The following TBC1D31 variants were observed in gnomAD, a reference collection of about 807,000 sequenced individuals.
TBC1D31 encodes TBC1 domain family member 31.
Under a neutral mutation model 132.9 loss-of-function variants are expected in TBC1D31, and 99 were observed. The ratio of observed to expected loss-of-function variants is 0.74; its 90% CI spans 0.63 to 0.88. The LOEUF (loss-of-function observed/expected upper bound fraction) is 0.88, where lower values mean the gene tolerates loss of function less well. TBC1D31 is among the 40% of genes least tolerant of loss of function. The pLI, the probability that TBC1D31 is intolerant of heterozygous loss-of-function variation, is 0.00. For synonymous variants in TBC1D31, 385 were observed against 419.4 expected (o/e 0.92, Z 1.00); for missense variants, 1,134 against 1,256.6 (o/e 0.90, Z 1.48).
chr8:123,078,957 A>G (rs1814836826), intron 2 of TBC1D31, among the ~76,000 whole-genome samples: 1 of 152,250 alleles, frequency 6.6e-6, no homozygotes, highest in African/African-American at 2.4e-5. Context: ...TAGTGGAATG[A>G]ATCAAAATTT....
intron 19 of TBC1D31, among the ~76,000 whole-genome samples, chr8:123,142,745 T>C (rs533339835): frequency 6.6e-6 from 1 of 152,314 alleles, no homozygotes; most frequent in East Asian, 1.9e-4. Context: ...AGAGACGTCG[T>C]CTAATATTGA....
At chr8:123,146,925 CT>C (rs1042019273) in intron 20 of TBC1D31, among the ~76,000 whole-genome samples, 31 of 152,192 alleles carry the variant, frequency 2.0e-4, no homozygotes, top group Admixed American at 1.9e-3. Flanking sequence ...GATCTGGCCA[CT>C]TTGACCTCCC....
chr8:123,104,779 G>T (rs1400398696), intron 7 of TBC1D31, among the ~76,000 whole-genome samples: 1 of 152,136 alleles, frequency 6.6e-6, no homozygotes, highest in Admixed American at 6.5e-5. Context: ...GGAACTAATA[G>T]TGATCACTAA....
chr8:123,164,459 C>T, the TBC1D31 span, among the ~76,000 whole-genome samples: 2 of 152,212 alleles, frequency 1.3e-5, no homozygotes, highest in African/African-American at 4.8e-5. Context: ...CAGTGGCTCA[C>T]ATCTGTAATC....
At position 123,142,358 on chromosome 8, in the gene TBC1D31, C is replaced by T. The variant is rs375997353; in HGVS notation, c.2737C>T (p.Arg913Ter). ...TAAACAAAAATGTGATGATCTACAA[C>T]GAAACAAATGTTACCAGGAAGTAGC... Reference protein sequence around the residue: ...LHKQKCDDLQRNKCYQEVAKL... With the variant: ...LHKQKCDDLQ The change falls in exon 19 of 22, where the codon CGA becomes TGA. Residue 913 changes from arginine (R) to a stop codon, truncating the protein, a stop_gained. Coordinates refer to ENST00000287380, the MANE Select transcript of TBC1D31 (RefSeq NM_145647.4). LOFTEE classifies it high-confidence loss of function. The T allele has an allele frequency of 3.9e-5, 62 of 1,607,252 alleles. No homozygotes were observed. Among genetic ancestry groups the T allele is most frequent in the Middle Eastern group, 1.7e-4 (1 of 6,058 alleles).
chr8:123,150,113 G>T lies in TBC1D31; in HGVS notation c.3052G>T (p.Asp1018Tyr). 6.2e-7 allele frequency: 1 copy of T among 1,613,172 alleles called. No homozygotes were observed. Among genetic ancestry groups the T allele is most frequent in the Admixed American group, 1.7e-5 (1 of 60,020 alleles). ...TSQLNDSSEM[D>Y]PSTQISLNRR... ...ACAATTAAATGACTCTTCTGAAATGGATCCCTCAACACAGAGTAAGTTGAT... is the reference window on the plus strand; with the variant it reads ...ACAATTAAATGACTCTTCTGAAATGTATCCCTCAACACAGAGTAAGTTGAT... The change falls in exon 21 of 22, where the codon GAT becomes TAT. Residue 1018 changes from aspartate to tyrosine, a missense_variant. Physicochemically the swap from Asp to Tyr is radical, Grantham distance 160. Coordinates refer to ENST00000287380, the MANE Select transcript of TBC1D31 (RefSeq NM_145647.4).
intron 20 of TBC1D31, among the ~76,000 whole-genome samples, chr8:123,146,550 T>C (rs1822229734): frequency 6.6e-6 from 1 of 152,268 alleles, no homozygotes; most frequent in African/African-American, 2.4e-5. Context: ...ATTATGTATT[T>C]TTTTAATCTA....
At chr8:123,152,895 A>G (rs1324539318), downstream of TBC1D31, among the ~76,000 whole-genome samples, 1 of 152,216 alleles carries the variant, frequency 6.6e-6, no homozygotes, top group Non-Finnish European at 1.5e-5. Flanking sequence ...GATCAGGCCT[A>G]AAAAGTTCCT....
chr8:123,163,682 A>T, the TBC1D31 span, among the ~76,000 whole-genome samples: 16 of 152,118 alleles, frequency 1.1e-4, no homozygotes, highest in South Asian at 1.9e-3. Context: ...AACCATTTTT[A>T]AAAATTTTTT....
At chr8:123,120,330 C>T (rs2130702988) in intron 11 of TBC1D31, 142 bp downstream of exon 11, 1 of 684,868 alleles carries the variant, frequency 1.5e-6, no homozygotes, top group Non-Finnish European at 2.3e-6. Flanking sequence ...AGGTATCAAA[C>T]ATAAAATAGA....
chr8:123,083,066 A>G (rs1021308017), intron 3 of TBC1D31: 4 of 378,682 alleles, frequency 1.1e-5, no homozygotes, highest in African/African-American at 4.2e-5. Context: ...GGAAAGCACT[A>G]CACTTAATGA....
At chr8:123,100,718 G>A (rs1033423913) in intron 6 of TBC1D31, 89 bp from the exon 7 acceptor site, 17 of 886,406 alleles carry the variant, frequency 1.9e-5, no homozygotes, top group East Asian at 1.8e-4. Context: ...ATACACAAAC[G>A]TTGCATACAC....
At chr8:123,130,118 C>G (rs1177448902) in intron 15 of TBC1D31, 80 bp from the exon 16 acceptor site, 2 of 1,396,022 alleles carry the variant, frequency 1.4e-6, no homozygotes, top group African/African-American at 2.9e-5. Context: ...AAATGATCAG[C>G]ATGGCAGACC....
intron 1 of TBC1D31, among the ~76,000 whole-genome samples, chr8:123,075,466 G>A (rs1003218532): frequency 1.3e-5 from 2 of 152,196 alleles, no homozygotes; most frequent in Non-Finnish European, 2.9e-5. Flanking sequence ...CACTTTGGGA[G>A]GCCAAGGTGG....
chr8:123,140,135 C>T (rs558955239), intron 17 of TBC1D31, among the ~76,000 whole-genome samples: 7 of 152,144 alleles, frequency 4.6e-5, no homozygotes, highest in African/African-American at 4.8e-5. Context: ...CGAGGCAGGC[C>T]GATCACATGA....
intron 2 of TBC1D31, among the ~76,000 whole-genome samples, chr8:123,081,323 A>G (rs1815122735): frequency 6.6e-6 from 1 of 152,158 alleles, no homozygotes; most frequent in Non-Finnish European, 1.5e-5. Flanking sequence ...TTCATCTGCC[A>G]TGTAAACACT....
the TBC1D31 span, among the ~76,000 whole-genome samples, chr8:123,164,469 C>A: frequency 6.6e-6 from 1 of 152,168 alleles, no homozygotes; most frequent in Non-Finnish European, 1.5e-5. Context: ...CATCTGTAAT[C>A]CCAGCACTTC....
chr8:123,162,382 C>T, the TBC1D31 span, among the ~76,000 whole-genome samples: 17 of 152,134 alleles, frequency 1.1e-4, 1 homozygote, highest in Middle Eastern at 6.8e-3. Flanking sequence ...TTAATGGAAA[C>T]CTGTTGAGAG....
intron 8 of TBC1D31, among the ~76,000 whole-genome samples, chr8:123,107,861 A>T (rs1818083724): frequency 6.6e-6 from 1 of 152,230 alleles, no homozygotes; most frequent in South Asian, 2.1e-4. Flanking sequence ...TAGCACGTGG[A>T]AAGAAAAGAA....
Sources: allele counts gnomAD v4.1 joint callset (sites outside exome capture counted in the v4.1 genomes callset), GRCh38; gene constraint gnomAD v4.1.1; transcripts MANE v1.5; gene names NCBI Gene and HGNC (gene_info 2026-07-23, HGNC 2026-07-21).